The following CSMD3 variants were observed in gnomAD, a reference collection of about 807,000 sequenced individuals.
The protein encoded by CSMD3 is CUB and sushi domain-containing protein 3.
A neutral mutation model predicts 435.2 loss-of-function variants in CSMD3; 177 were observed. That is an observed-to-expected ratio of 0.41 (90% CI 0.36 to 0.46). The LOEUF (loss-of-function observed/expected upper bound fraction) is 0.46, where lower values mean the gene tolerates loss of function less well. CSMD3 is among the 20% of genes least tolerant of loss of function. The pLI, the probability that CSMD3 is intolerant of heterozygous loss-of-function variation, is 0.34. For missense variants in CSMD3, 4,265 were observed against 4,504.6 expected (o/e 0.95, Z 1.52); for synonymous variants, 1,656 against 1,520.5 (o/e 1.09, Z -2.07).
At chr8:112,973,885 T>C (rs1504343) in intron 7 of CSMD3, among the ~76,000 whole-genome samples, 91,631 of 151,696 alleles carry the variant, frequency 0.6, 29,277 homozygotes, top group East Asian at 0.95. Flanking sequence ...AGTATAACAA[T>C]TTAAGTCACT....
chr8:112,304,323 T>C (rs1312014724), intron 52 of CSMD3, among the ~76,000 whole-genome samples: 2 of 151,872 alleles, frequency 1.3e-5, no homozygotes, highest in Admixed American at 6.6e-5. Context: ...ATATCATTTC[T>C]CTATCATTTA....
chr8:113,148,793 T>G (rs1032161950), intron 4 of CSMD3, among the ~76,000 whole-genome samples: 2 of 151,668 alleles, frequency 1.3e-5, no homozygotes, highest in Admixed American at 1.3e-4. Flanking sequence ...AGATTTTACC[T>G]TCATAAAAAT....
intron 32 of CSMD3, among the ~76,000 whole-genome samples, chr8:112,443,791 C>T (rs1445992165): frequency 6.6e-6 from 1 of 151,800 alleles, no homozygotes; most frequent in Non-Finnish European, 1.5e-5. Flanking sequence ...ATGCCTGGCC[C>T]TTAATATTAA....
chr8:112,759,102 C>A (rs950622731), intron 13 of CSMD3, among the ~76,000 whole-genome samples: 3 of 152,058 alleles, frequency 2.0e-5, no homozygotes, highest in Non-Finnish European at 1.5e-5. Context: ...CTCTATTACA[C>A]AAGCTTTGGT....
At chr8:112,604,915 T>G (rs191034927) in intron 22 of CSMD3, among the ~76,000 whole-genome samples, 54 of 137,086 alleles carry the variant, frequency 3.9e-4, no homozygotes, top group African/African-American at 1.4e-3. Flanking sequence ...CCAGAATCTC[T>G]AAGAACCTTG....
At chr8:112,642,753 T>G (rs1030412331) in intron 20 of CSMD3, among the ~76,000 whole-genome samples, 1 of 152,116 alleles carries the variant, frequency 6.6e-6, no homozygotes, top group African/African-American at 2.4e-5. Context: ...TTATAGAATT[T>G]TAAGAATTGA....
chr8:112,802,503 T>C lies in CSMD3; in HGVS notation c.1860-2229A>G, dbSNP rs9643076. 5.8e-3 allele frequency among the ~76,000 whole-genome samples: 876 copies of C among 152,204 alleles called. 18 individuals are homozygous for C. In the East Asian group the frequency reaches 0.075, roughly 13 times the overall value. ...GCAATGGATTGTATATTCCTAGCTA[T>C]ATATTATTTCTCTTTTTTGCAATCT... is the stretch of plus-strand genomic sequence containing the variant. On this transcript the variant is annotated intron_variant, in intron 12 of 70. Coordinates refer to ENST00000297405, the MANE Select transcript of CSMD3 (RefSeq NM_198123.2).
chr8:112,391,473 C>T (rs1439190971), intron 35 of CSMD3, among the ~76,000 whole-genome samples: 1 of 152,066 alleles, frequency 6.6e-6, no homozygotes, highest in Non-Finnish European at 1.5e-5. Context: ...TGAGGAGGCT[C>T]ACCAGGTCGG....
At chr8:112,511,478 C>T (rs1285520613) in intron 28 of CSMD3, among the ~76,000 whole-genome samples, 2 of 149,908 alleles carry the variant, frequency 1.3e-5, no homozygotes, top group African/African-American at 2.5e-5. Flanking sequence ...CAAGCTCCGT[C>T]TCCCGGGTTC....
chr8:112,428,907 T>A (rs1399063811), intron 32 of CSMD3, among the ~76,000 whole-genome samples: 1 of 152,086 alleles, frequency 6.6e-6, no homozygotes, highest in Non-Finnish European at 1.5e-5. Context: ...TAATTAAATT[T>A]TTTTGAATTG....
Position 112,247,635 on chromosome 8 carries a change from T to C in CSMD3, c.10111-504A>G, listed in dbSNP as rs190183053. ...TAACGGAAATATACAATGGAAGATA[T>C]ACTGTTTGTACTAGCTTTTAAGGGT... On this transcript the variant is annotated intron_variant, in intron 63 of 70. Transcript: ENST00000297405. 3.0e-3 allele frequency among the ~76,000 whole-genome samples: 459 copies of C among 152,236 alleles called. 5 individuals carry two copies. The highest frequency in any genetic ancestry group is 0.01 in the African/African-American group (432 of 41,546).
At chr8:112,482,077 A>G (rs1286781011) in intron 31 of CSMD3, among the ~76,000 whole-genome samples, 1 of 152,054 alleles carries the variant, frequency 6.6e-6, no homozygotes, top group African/African-American at 2.4e-5. Context: ...TCAATAAGTC[A>G]TGTTAGGATG....
intron 25 of CSMD3, among the ~76,000 whole-genome samples, chr8:112,554,881 G>T (rs2131214500): frequency 6.6e-6 from 1 of 152,022 alleles, no homozygotes; most frequent in African/African-American, 2.4e-5. Flanking sequence ...TTCCTTATTT[G>T]ACTGAGGCTA....
chr8:112,565,728 T>C (rs1829007102), intron 24 of CSMD3, among the ~76,000 whole-genome samples: 1 of 152,122 alleles, frequency 6.6e-6, no homozygotes, highest in Non-Finnish European at 1.5e-5. Context: ...GGTCAGCTTT[T>C]GATAAGACAA....
At chr8:113,414,935 C>T (rs988560952) in intron 1 of CSMD3, among the ~76,000 whole-genome samples, 3 of 152,104 alleles carry the variant, frequency 2.0e-5, no homozygotes, top group Non-Finnish European at 4.4e-5. Flanking sequence ...CACTGCGCTC[C>T]AGCCTGGGTG....
chr8:113,147,534 G>A (rs576841755), intron 4 of CSMD3, among the ~76,000 whole-genome samples: 1 of 151,700 alleles, frequency 6.6e-6, no homozygotes, highest in African/African-American at 2.4e-5. Flanking sequence ...GCTTTTGGAT[G>A]TGGTTCTGAA....
intron 13 of CSMD3, among the ~76,000 whole-genome samples, chr8:112,772,526 A>T (rs890352012): frequency 6.6e-6 from 1 of 152,062 alleles, no homozygotes; most frequent in African/African-American, 2.4e-5. Flanking sequence ...GTTTCTCCCC[A>T]TGTGATAGTC....
At chr8:113,285,261 CT>C (rs11420062) in intron 2 of CSMD3, among the ~76,000 whole-genome samples, 13,225 of 128,020 alleles carry the variant, frequency 0.1, 573 homozygotes, top group Middle Eastern at 0.13. Context: ...TTGGTGACAG[CT>C]TTTTTTTTTT....
chr8:112,531,086 G>A (rs1825483220), intron 27 of CSMD3, among the ~76,000 whole-genome samples: 1 of 152,080 alleles, frequency 6.6e-6, no homozygotes, highest in South Asian at 2.1e-4. Context: ...CCCTAGCACA[G>A]TGCAGAGACA....
Sources: gnomAD v4.1 joint callset for allele counts (sites outside exome capture counted in the v4.1 genomes callset) on GRCh38, gnomAD v4.1.1 for gene constraint, MANE v1.5 for transcripts, NCBI Gene and HGNC (gene_info 2026-07-23, HGNC 2026-07-21) for gene names.